Variants in NUDT7 observed in about 807,000 individuals in gnomAD.
The protein encoded by NUDT7 is nudix hydrolase 7, also known as peroxisomal coenzyme A diphosphatase NUDT7.
Under a neutral mutation model 13.1 loss-of-function variants are expected in NUDT7, and 19 were observed. The ratio of observed to expected loss-of-function variants is 1.45; its 90% CI spans 1.01 to 2.13. NUDT7 has a LOEUF of 2.13. Ranked by LOEUF, NUDT7 falls within the 30% of genes most tolerant of loss-of-function variation. NUDT7 has a pLI of 0.00. For synonymous variants in NUDT7, 132 were observed against 109.7 expected, an observed-to-expected ratio of 1.20 and a Z score of -1.27; for missense variants, 360 against 291.7, an observed-to-expected ratio of 1.23 and a Z score of -1.71.
intron 2 of NUDT7, among the ~76,000 whole-genome samples, chr16:77,729,916 T>C (rs2014259128): frequency 6.6e-6 from 1 of 151,552 alleles, no homozygotes; most frequent in African/African-American, 2.4e-5. Context: ...ATATATTCAC[T>C]ATGGAATGAC....
At chr16:77,728,547 G>A (rs539914665) in intron 2 of NUDT7, among the ~76,000 whole-genome samples, 5 of 152,086 alleles carry the variant, frequency 3.3e-5, no homozygotes, top group African/African-American at 9.7e-5. Context: ...TGCAAAGTTC[G>A]TAAATCTCTT....
chr16:77,741,946 T>C lies in NUDT7; in HGVS notation c.713T>C (p.Leu238Ser), dbSNP rs1460894421. The C allele has an allele frequency of 5.0e-6, 8 of 1,586,846 alleles. No homozygotes were observed. The East Asian group carries it at 1.8e-4, about 36-fold the overall frequency. Residue 238 changes from leucine to serine, a missense_variant, in exon 4 of 4, where the codon TTA (leucine) becomes TCA (serine). Leu to Ser is a moderately radical substitution (Grantham distance 145). Coordinates refer to ENST00000268533, the MANE Select transcript of NUDT7 (RefSeq NM_001105663.3). Reference protein sequence around the residue: ...LKVHKKATSRL With the variant: ...LKVHKKATSRS ...GTTCATAAAAAAGCTACAAGCAGGT[T>C]ATGATTTACTAGAGCAAGAGACAAA...
At chr16:77,738,519 C>A (rs2014559427) in intron 3 of NUDT7, among the ~76,000 whole-genome samples, 1 of 152,186 alleles carries the variant, frequency 6.6e-6, no homozygotes, top group African/African-American at 2.4e-5. Flanking sequence ...ATAATCTAAT[C>A]TACGTGGCTC....
At chr16:77,727,025 AACTC>A (rs1427050222) in intron 2 of NUDT7, among the ~76,000 whole-genome samples, 3 of 152,074 alleles carry the variant, frequency 2.0e-5, no homozygotes, top group South Asian at 2.1e-4. Context: ...ATCTCATGAG[AACTC>A]ACTCACTATC....
intron 3 of NUDT7, among the ~76,000 whole-genome samples, chr16:77,739,247 C>A (rs567000650): frequency 1.3e-5 from 2 of 152,154 alleles, no homozygotes; most frequent in African/African-American, 4.8e-5. Flanking sequence ...AAAAGAATGG[C>A]TATTCCATAA....
At position 77,735,421 on chromosome 16, in the gene NUDT7, C is replaced by T. The variant is rs375180306; in HGVS notation, c.190-407C>T. On this transcript the variant is annotated intron_variant, in intron 2 of 3. Transcript: ENST00000268533. ...ATGTGAAGTGCTTGCTCCTCCTTTACCTTCCGCCATGATTGTAAGTTTCCT... is the reference window on the plus strand; with the variant it reads ...ATGTGAAGTGCTTGCTCCTCCTTTATCTTCCGCCATGATTGTAAGTTTCCT... The T allele has an allele frequency of 4.1e-4, 262 of 637,864 alleles. No individual in the cohort carries two copies. In the African/African-American group the frequency reaches 4.3e-3, roughly 11 times the overall value. The allele number at this position is 637,864 out of a possible 1,614,324, so 39.5% of individuals were successfully genotyped here.
chr16:77,735,631 A>C lies in NUDT7; in HGVS notation c.190-197A>C, dbSNP rs528292978. On this transcript the variant is annotated intron_variant, in intron 2 of 3. Transcript: ENST00000268533. Reference sequence around the variant, plus strand: ...GGGGACAAATAGAATAAAAGTTAGCAGTGAGAAAAATTTTCAAGGTTCATT... The same window carrying C: ...GGGGACAAATAGAATAAAAGTTAGCCGTGAGAAAAATTTTCAAGGTTCATT... The C allele has an allele frequency of 2.8e-5, 17 of 617,316 alleles. No homozygotes were observed. The South Asian group carries it at 3.5e-4, about 13-fold the overall frequency. The allele number at this position is 617,316 out of a possible 1,614,324, so 38.2% of individuals were successfully genotyped here. A position where few individuals can be genotyped will look rare whatever the true frequency, so the allele number is the denominator to read the frequency against.
intron 1 of NUDT7, among the ~76,000 whole-genome samples, chr16:77,723,333 A>G (rs986442134): frequency 1.3e-5 from 2 of 152,096 alleles, no homozygotes; most frequent in African/African-American, 2.4e-5. Context: ...TTTTCAGGCC[A>G]TTTGGTCTTT....
At chr16:77,725,345 A>G (rs1486545417) in intron 1 of NUDT7, 86 bp from the exon 2 acceptor site, 15 of 1,280,186 alleles carry the variant, frequency 1.2e-5, no homozygotes, top group South Asian at 4.4e-5. Flanking sequence ...CTAAATACAC[A>G]ACAAAGCAGA....
intron 2 of NUDT7, among the ~76,000 whole-genome samples, chr16:77,732,886 G>C (rs1461135316): frequency 6.6e-6 from 1 of 152,194 alleles, no homozygotes; most frequent in Non-Finnish European, 1.5e-5. Context: ...CCTTGGAGTT[G>C]AACGTTCTAA....
At chr16:77,736,244 G>A in intron 3 of NUDT7, 1 of 373,582 alleles carries the variant, frequency 2.7e-6, no homozygotes, top group Non-Finnish European at 4.9e-6. Flanking sequence ...GGATGCCATA[G>A]AACCCTAGAG....
intron 2 of NUDT7, among the ~76,000 whole-genome samples, chr16:77,729,567 T>A (rs1303857814): frequency 6.6e-6 from 1 of 152,188 alleles, no homozygotes; most frequent in African/African-American, 2.4e-5. Context: ...GGCTCACACC[T>A]GTAATCCCAG....
chr16:77,726,867 G>C (rs2344151), intron 2 of NUDT7, among the ~76,000 whole-genome samples: 56,734 of 151,962 alleles, frequency 0.37, 11,673 homozygotes, highest in African/African-American at 0.56. Context: ...GTTTCATTGA[G>C]TCATGGTTCT....
rs28519631 is a variant in NUDT7, at chr16:77,736,175, A to G, written c.348+189A>G. On this transcript the variant is annotated intron_variant, in intron 3 of 3. Coordinates refer to ENST00000268533, the MANE Select transcript of NUDT7 (RefSeq NM_001105663.3). ...TGGGCAACCCCTTTTGCCTCTCCGG[A>G]CCCCTCTTTCCCCATCCAGAAATAA... is the stretch of plus-strand genomic sequence containing the variant. The G allele has an allele frequency of 5.8e-3, 3,085 of 534,652 alleles. 73 individuals carry two copies. Among genetic ancestry groups the G allele is most frequent in the African/African-American group, 0.052 (2,774 of 53,254 alleles). The allele number at this position is 534,652 out of a possible 1,614,324, so 33.1% of individuals were successfully genotyped here. A position where few individuals can be genotyped will look rare whatever the true frequency, so the allele number is the denominator to read the frequency against.
At chr16:77,731,844 AAAAAG>A (rs1367897515) in intron 2 of NUDT7, among the ~76,000 whole-genome samples, 1 of 151,980 alleles carries the variant, frequency 6.6e-6, no homozygotes, top group Non-Finnish European at 1.5e-5. Context: ...AAGAAAGTTT[AAAAAG>A]AAAAAAAAAT....
chr16:77,732,985 C>G (rs1324948013), intron 2 of NUDT7, among the ~76,000 whole-genome samples: 2 of 152,268 alleles, frequency 1.3e-5, no homozygotes, highest in South Asian at 2.1e-4. Context: ...GGTGAGTGTT[C>G]AAGACAGTAG....
Position 77,741,660 on chromosome 16 carries a change from G to A in NUDT7, c.427G>A (p.Asp143Asn). The change falls in exon 4 of 4, where the codon GAT (aspartate) becomes AAT (asparagine). Residue 143 changes from aspartate to asparagine, a missense_variant. Transcript: ENST00000268533. The part of the protein sequence containing the change: ...QAQPNPAEVK[D>N]VFLVPLAYFL... ...CCAGCCGAATCCTGCTGAAGTTAAG[G>A]ATGTATTCCTGGTGCCTCTGGCCTA... is the stretch of plus-strand genomic sequence containing the variant. The A allele has an allele frequency of 5.0e-6, 8 of 1,614,122 alleles. No individual in the cohort carries two copies. The highest frequency in any genetic ancestry group is 6.8e-6 in the Non-Finnish European group (8 of 1,180,024).
chr16:77,722,704 A>G (rs1304316308), intron 1 of NUDT7, 87 bp downstream of exon 1: 7 of 1,369,324 alleles, frequency 5.1e-6, no homozygotes, highest in Non-Finnish European at 7.1e-6. Context: ...TTTGGCCGGG[A>G]CTGATTTTGC....
intron 1 of NUDT7, among the ~76,000 whole-genome samples, chr16:77,723,531 C>G (rs1383489279): frequency 6.6e-6 from 1 of 151,394 alleles, no homozygotes; most frequent in South Asian, 2.1e-4. Flanking sequence ...ATTTAATCTT[C>G]TTAAATATCC....
Sources: allele counts gnomAD v4.1 joint callset (sites outside exome capture counted in the v4.1 genomes callset), GRCh38; gene constraint gnomAD v4.1.1; transcripts MANE v1.5; gene names NCBI Gene and HGNC (gene_info 2026-07-23, HGNC 2026-07-21).